HPD: variants seen among roughly 807,000 people sequenced by gnomAD.
HPD encodes 4-hydroxyphenylpyruvate dioxygenase, also known as 4-hydroxyphenylpyruvic acid oxidase.
In HPD, 35 loss-of-function variants were observed where a neutral mutation model predicts 56.9. The ratio of observed to expected loss-of-function variants is 0.62; its 90% confidence interval spans 0.47 to 0.82. The LOEUF is 0.82. Ranked by LOEUF, HPD falls within the 40% of genes least tolerant of loss-of-function variation. The probability of loss-of-function intolerance (pLI) is 0.00; values close to 1 mark genes in which losing one functional copy is unlikely to be tolerated. For missense variants in HPD, 442 were observed against 506.8 expected (o/e 0.87, Z 1.23); for synonymous variants, 186 against 200.2 (o/e 0.93, Z 0.60).
the HPD span, among the ~76,000 whole-genome samples, chr12:121,885,110 CA>C: frequency 6.6e-6 from 1 of 151,952 alleles, no homozygotes; most frequent in African/African-American, 2.4e-5. Flanking sequence ...AGGCTAATCT[CA>C]AACTCCTGAC....
chr12:121,878,447 C>T, the HPD span, among the ~76,000 whole-genome samples: 1 of 152,172 alleles, frequency 6.6e-6, no homozygotes, highest in Non-Finnish European at 1.5e-5. Context: ...CTCCTGGGTT[C>T]AAGCAATTCT....
intron 11 of HPD, among the ~76,000 whole-genome samples, chr12:121,845,882 AT>A (rs956441191): frequency 2.6e-4 from 40 of 152,154 alleles, no homozygotes; most frequent in Middle Eastern, 3.4e-3. Flanking sequence ...TAATTTCCTC[AT>A]TTTAAAAAAA....
chr12:121,888,481 G>A, the HPD span, among the ~76,000 whole-genome samples: 4 of 152,214 alleles, frequency 2.6e-5, no homozygotes, highest in African/African-American at 9.6e-5. Flanking sequence ...CTGAATTGGA[G>A]CGCCACGCAG....
Position 121,839,939 on chromosome 12 carries a change from T to C in HPD, c.1064A>G (p.Asn355Ser), listed in dbSNP as rs768113548. The change falls in exon 13 of 14, where the codon AAC (asparagine) becomes AGC (serine). Residue 355 changes from asparagine to serine, a missense_variant. Asn to Ser is a conservative substitution (Grantham distance 46). Transcript: ENST00000289004. Reference protein sequence around the residue: ...TLFLEVIQRHNHQGFGAGNFN... With the variant: ...TLFLEVIQRHSHQGFGAGNFN... ...GCCGGGGACAAGCAGTACCTGGTGGTTGTGGCGCTGGATGACTTCCAGGAA... is the reference window on the plus strand; with the variant it reads ...GCCGGGGACAAGCAGTACCTGGTGGCTGTGGCGCTGGATGACTTCCAGGAA... The C allele has an allele frequency of 3.7e-6, 6 of 1,613,388 alleles. No individual in the cohort carries two copies. The highest frequency in any genetic ancestry group is 1.1e-5 in the South Asian group (1 of 91,072).
At chr12:121,882,510 GAA>G in the HPD span, among the ~76,000 whole-genome samples, 1 of 152,110 alleles carries the variant, frequency 6.6e-6, no homozygotes, top group Admixed American at 6.6e-5. Context: ...CTGGAAAGGG[GAA>G]AGACAGCTCT....
rs772986472 is a variant in HPD at position 121,843,693 on chromosome 12, T to C, written c.954+17A>G. Reference sequence around the variant, plus strand: ...CATACTCCCCCCACAAGGCTGCGGATCCTGCCTGGGCCTCACCTCCAGGGC... The same window carrying C: ...CATACTCCCCCCACAAGGCTGCGGACCCTGCCTGGGCCTCACCTCCAGGGC... On this transcript the variant is annotated intron_variant, in intron 12 of 13. Coordinates refer to ENST00000289004, the MANE Select transcript of HPD (RefSeq NM_002150.3). 2 of 1,613,966 alleles carry C rather than the reference T, an allele frequency of 1.2e-6. No homozygotes were observed. The highest frequency in any genetic ancestry group is 1.7e-6 in the Non-Finnish European group (2 of 1,179,950).
At chr12:121,861,335 C>CAA (rs34622089), upstream of HPD, among the ~76,000 whole-genome samples, 2 of 122,514 alleles carry the variant, frequency 1.6e-5, no homozygotes, top group East Asian at 2.3e-4. Context: ...GACTCTGTCT[C>CAA]AAAAAAAAAA....
chr12:121,878,357 TG>T, the HPD span, among the ~76,000 whole-genome samples: 1 of 152,220 alleles, frequency 6.6e-6, no homozygotes, highest in African/African-American at 2.4e-5. Flanking sequence ...TTGTTTGTTT[TG>T]TTTTTTTATT....
upstream of HPD, among the ~76,000 whole-genome samples, chr12:121,866,114 G>A (rs1011037794): frequency 1.3e-5 from 2 of 151,944 alleles, no homozygotes; most frequent in Non-Finnish European, 2.9e-5. Context: ...TGGCTAACAC[G>A]GTGAAACCCT....
chr12:121,849,940 T>C (rs1179245728), intron 7 of HPD, 150 bp from the exon 8 acceptor site: 6 of 673,624 alleles, frequency 8.9e-6, no homozygotes, highest in Non-Finnish European at 1.6e-5. Context: ...TTCTCCTTTC[T>C]GAAATGAATT....
chr12:121,869,127 A>G, the HPD span, among the ~76,000 whole-genome samples: 6 of 151,958 alleles, frequency 3.9e-5, no homozygotes, highest in East Asian at 1.2e-3. Flanking sequence ...GCCGAGGCGG[A>G]TCACTTGAGG....
intron 6 of HPD, 88 bp downstream of exon 6, chr12:121,856,236 T>C: frequency 1.0e-6 from 1 of 977,140 alleles, no homozygotes. Flanking sequence ...GTCACTGTGA[T>C]GCAGCAGTGT....
chr12:121,868,407 G>A (rs553193424), upstream of HPD, among the ~76,000 whole-genome samples: 106 of 151,698 alleles, frequency 7.0e-4, no homozygotes, highest in African/African-American at 2.3e-3. Flanking sequence ...GCAGTGGCGC[G>A]ATCTCGGCTC....
upstream of HPD, among the ~76,000 whole-genome samples, chr12:121,859,879 C>T (rs1049294050): frequency 2.6e-5 from 4 of 152,322 alleles, no homozygotes; most frequent in African/African-American, 7.2e-5. Flanking sequence ...CAACTGGGGG[C>T]CGGGGGTGGT....
rs1400468757 is a variant in HPD at position 121,856,586 on chromosome 12, T to G, written c.238A>C (p.Lys80Gln). 6.2e-7 allele frequency: 1 copy of G among 1,613,934 alleles called. No individual in the cohort carries two copies. The highest frequency in any genetic ancestry group is 8.5e-7 in the Non-Finnish European group (1 of 1,179,988). Residue 80 changes from lysine to glutamine, a missense_variant, in exon 5 of 14, where the codon AAA becomes CAA. By Grantham distance (53) the Lys-to-Gln change is moderately conservative. Coordinates refer to ENST00000289004, the MANE Select transcript of HPD (RefSeq NM_002150.3). The stretch of plus-strand genomic sequence containing the variant: ...CCACCCTCCCCGGGCACCTCACCTT[T>G]GTTCCAGGGGTTGAGCGCTGAGGAG... Reference protein sequence around the residue: ...VLSSALNPWNKEMGDHLVKHG... With the variant: ...VLSSALNPWNQEMGDHLVKHG...
the HPD span, among the ~76,000 whole-genome samples, chr12:121,875,896 G>C: frequency 6.6e-6 from 1 of 152,132 alleles, no homozygotes; most frequent in East Asian, 1.9e-4. Context: ...TGAGTCTGGA[G>C]GATCATTTCA....
chr12:121,842,245 T>A (rs1288523693), intron 12 of HPD, among the ~76,000 whole-genome samples: 4 of 152,104 alleles, frequency 2.6e-5, no homozygotes, highest in African/African-American at 9.7e-5. Context: ...CACCTCAGCC[T>A]CCTGAGTAGC....
In HPD at chr12:121,854,689, C is replaced by T; in HGVS notation, c.414+14G>A. ...CCGACAGCAGGAGGGGTGGGGGCACCAAAGGGAACTCACCGTCTGCAGCAC... is the reference window on the plus strand; with the variant it reads ...CCGACAGCAGGAGGGGTGGGGGCACTAAAGGGAACTCACCGTCTGCAGCAC... On this transcript the variant is annotated intron_variant, in intron 7 of 13. Coordinates refer to ENST00000289004, the MANE Select transcript of HPD (RefSeq NM_002150.3). 6.3e-7 allele frequency: 1 copy of T among 1,597,224 alleles called. No individual in the cohort carries two copies. Among genetic ancestry groups the T allele is most frequent in the South Asian group, 1.1e-5 (1 of 90,742 alleles).
chr12:121,865,567 C>T (rs1878304542), upstream of HPD, among the ~76,000 whole-genome samples: 1 of 147,620 alleles, frequency 6.8e-6, no homozygotes, highest in Admixed American at 6.8e-5. Flanking sequence ...CTGTGCCCAG[C>T]CACGACACTC....
Sources: gnomAD v4.1 joint callset for allele counts (sites outside exome capture counted in the v4.1 genomes callset) on GRCh38, gnomAD v4.1.1 for gene constraint, MANE v1.5 for transcripts, NCBI Gene and HGNC (gene_info 2026-07-23, HGNC 2026-07-21) for gene names.